Variants in ZMYM2 observed in about 807,000 individuals in gnomAD.
ZMYM2 encodes zinc finger MYM-type containing 2.
Under a neutral mutation model 162.8 loss-of-function variants are expected in ZMYM2, and 56 were observed. The observed-to-expected ratio is 0.34, with a 90% CI of 0.28 to 0.43. The LOEUF (loss-of-function observed/expected upper bound fraction) is 0.43, where lower values mean the gene tolerates loss of function less well. Ranked by LOEUF, ZMYM2 falls within the 20% of genes least tolerant of loss-of-function variation. The pLI is 1.00. For missense variants in ZMYM2, 1,275 were observed against 1,621.8 expected (o/e 0.79, Z 3.67); for synonymous variants, 510 against 541.6 (o/e 0.94, Z 0.81).
chr13:19,915,067 T>C, the ZMYM2 span, among the ~76,000 whole-genome samples: 1 of 152,174 alleles, frequency 6.6e-6, no homozygotes, highest in Non-Finnish European at 1.5e-5. Context: ...GTTCAAGTGA[T>C]TCTTCTGCTT....
intron 4 of ZMYM2, 21 bp downstream of exon 4, chr13:20,003,156 T>G (rs982528359): frequency 1.3e-6 from 2 of 1,595,734 alleles, no homozygotes; most frequent in Non-Finnish European, 1.7e-6. Context: ...CCTTTCAACA[T>G]AATTACATAT....
rs149507101 is a variant in ZMYM2, at chr13:20,049,756, T to C, written c.2293-1677T>C. On this transcript the variant is annotated intron_variant, in intron 12 of 24. Coordinates refer to ENST00000610343, the MANE Select transcript of ZMYM2 (RefSeq NM_197968.4). ...TTTGCAGGGCTGTTGTGAAGGTTTA[T>C]AGAGAGTAGATACAATGGGTTTGGC... Among the ~76,000 whole-genome samples, 468 of 152,154 alleles carry C rather than the reference T, an allele frequency of 3.1e-3. 5 individuals carry two copies. Among genetic ancestry groups the C allele is most frequent in the African/African-American group, 0.011 (447 of 41,570 alleles).
At chr13:19,893,545 C>T in the ZMYM2 span, among the ~76,000 whole-genome samples, 119 of 151,904 alleles carry the variant, frequency 7.8e-4, 1 homozygote, top group African/African-American at 2.0e-3. Flanking sequence ...AGAAATCAGC[C>T]GGGCCAGCAT....
intron 1 of ZMYM2, among the ~76,000 whole-genome samples, chr13:19,959,165 GGGGCCGGC>G (rs1043689869): frequency 6.7e-6 from 1 of 148,238 alleles, no homozygotes; most frequent in African/African-American, 2.4e-5. Flanking sequence ...CGGGGGTCGC[GGGGCCGGC>G]GGGGCGGCGG....
At chr13:19,940,427 AATATCTTGATTACATG>A in the ZMYM2 span, among the ~76,000 whole-genome samples, 1 of 152,206 alleles carries the variant, frequency 6.6e-6, no homozygotes, top group Admixed American at 6.5e-5. Context: ...ATTTTCCCCA[AATATCTTGATTACATG>A]ATATTTACTA....
At chr13:20,044,248 C>G (rs1008022216) in intron 12 of ZMYM2, among the ~76,000 whole-genome samples, 1 of 152,192 alleles carries the variant, frequency 6.6e-6, no homozygotes, top group Admixed American at 6.5e-5. Context: ...AAGCAGCTTT[C>G]CCTGCCAACT....
At chr13:19,912,387 C>T in the ZMYM2 span, among the ~76,000 whole-genome samples, 2 of 145,156 alleles carry the variant, frequency 1.4e-5, no homozygotes, top group Non-Finnish European at 3.0e-5. Context: ...GGCTGGAGTG[C>T]AGTGGCCCAA....
intron 6 of ZMYM2, among the ~76,000 whole-genome samples, chr13:20,017,010 T>G (rs1951686375): frequency 6.6e-6 from 1 of 152,228 alleles, no homozygotes; most frequent in African/African-American, 2.4e-5. Flanking sequence ...TTTTGCTTAC[T>G]TTACTTCATT....
chr13:20,042,724 A>ATTT (rs563153133), intron 12 of ZMYM2, among the ~76,000 whole-genome samples: 19 of 150,088 alleles, frequency 1.3e-4, no homozygotes, highest in South Asian at 1.1e-3. Flanking sequence ...TATTATTATT[A>ATTT]TTTTTTTTTA....
intron 3 of ZMYM2, among the ~76,000 whole-genome samples, chr13:20,000,570 G>A (rs1404033145): frequency 6.6e-6 from 1 of 152,194 alleles, no homozygotes; most frequent in Non-Finnish European, 1.5e-5. Context: ...TTTATCAGTG[G>A]AACAACAAAG....
chr13:20,087,745 A>C lies in ZMYM2; in HGVS notation c.*1731A>C, dbSNP rs1214129512. On this transcript the variant is annotated 3_prime_UTR_variant, in exon 25 of 25. Coordinates refer to ENST00000610343, the MANE Select transcript of ZMYM2 (RefSeq NM_197968.4). ...CTTGATTTTATATTGTTGAGTGATA[A>C]TCAGACTGATAGTAGCAAATCTGAT... 1.1e-5 allele frequency: 2 copies of C among 186,200 alleles called. No individual in the cohort carries two copies. The highest frequency in any genetic ancestry group is 2.3e-5 in the Non-Finnish European group (2 of 87,974). The allele number at this position is 186,200 out of a possible 1,614,324, so 11.5% of individuals were successfully genotyped here. A position where few individuals can be genotyped will look rare whatever the true frequency, so the allele number is the denominator to read the frequency against.
At chr13:20,024,653 T>G (rs1952418933) in intron 7 of ZMYM2, 1 of 223,964 alleles carries the variant, frequency 4.5e-6, no homozygotes, top group African/African-American at 2.2e-5. Flanking sequence ...TTTTGTCCCT[T>G]TTCCAGTATA....
chr13:20,022,963 T>A (rs993934279), intron 7 of ZMYM2, among the ~76,000 whole-genome samples: 6 of 152,126 alleles, frequency 3.9e-5, no homozygotes, highest in Admixed American at 2.6e-4. Flanking sequence ...AAATATTTTT[T>A]AAATTTTTGA....
the ZMYM2 span, among the ~76,000 whole-genome samples, chr13:19,879,461 T>C: frequency 2.0e-5 from 3 of 152,328 alleles, no homozygotes; most frequent in South Asian, 2.1e-4. Flanking sequence ...AATTTGACCA[T>C]AGCCACAAAC....
At chr13:19,960,401 T>C (rs1955074417) in intron 2 of ZMYM2, among the ~76,000 whole-genome samples, 2 of 152,360 alleles carry the variant, frequency 1.3e-5, no homozygotes, top group South Asian at 4.1e-4. Flanking sequence ...ACCTGAACAT[T>C]TTTTCTTCCT....
chr13:19,882,473 G>A, the ZMYM2 span, among the ~76,000 whole-genome samples: 2 of 152,138 alleles, frequency 1.3e-5, no homozygotes, highest in African/African-American at 4.8e-5. Context: ...GCTGGGCGTG[G>A]TGGTAGCTCA....
chr13:20,036,596 T>G (rs554730857), intron 11 of ZMYM2, 141 bp from the exon 12 acceptor site: 15 of 529,496 alleles, frequency 2.8e-5, no homozygotes, highest in Admixed American at 8.5e-5. Context: ...GTTCTAATTT[T>G]TATAGGTTGA....
At chr13:20,023,226 C>A (rs752167602) in intron 7 of ZMYM2, among the ~76,000 whole-genome samples, 1 of 151,986 alleles carries the variant, frequency 6.6e-6, no homozygotes, top group Non-Finnish European at 1.5e-5. Context: ...CTTTACTGTG[C>A]GATGTCACAG....
chr13:19,873,252 C>T, the ZMYM2 span, among the ~76,000 whole-genome samples: 2 of 152,062 alleles, frequency 1.3e-5, no homozygotes, highest in African/African-American at 4.8e-5. Flanking sequence ...GGTCCAGGAA[C>T]AGGTGTTGCA....
Sources: allele counts gnomAD v4.1 joint callset (sites outside exome capture counted in the v4.1 genomes callset), GRCh38; gene constraint gnomAD v4.1.1; transcripts MANE v1.5; gene names NCBI Gene and HGNC (gene_info 2026-07-23, HGNC 2026-07-21).